OTOGL: variants seen among roughly 807,000 people sequenced by gnomAD.
OTOGL encodes otogelin-like protein.
Under a neutral mutation model 318.5 loss-of-function variants are expected in OTOGL, and 285 were observed. The ratio of observed to expected loss-of-function variants is 0.89; its 90% CI spans 0.81 to 0.99. OTOGL has a LOEUF of 0.99. OTOGL is among the 50% of genes least tolerant of loss of function. The probability of loss-of-function intolerance (pLI) is 0.00; values close to 1 mark genes in which losing one functional copy is unlikely to be tolerated. For synonymous variants in OTOGL, 987 were observed against 936.5 expected, an observed-to-expected ratio of 1.05 and a Z score of -0.99; for missense variants, 2,899 against 2,845.6, an observed-to-expected ratio of 1.02 and a Z score of -0.43.
intron 1 of OTOGL, among the ~76,000 whole-genome samples, chr12:80,110,888 A>G (rs183132920): frequency 7.9e-5 from 12 of 152,288 alleles, no homozygotes; most frequent in African/African-American, 2.6e-4. Flanking sequence ...AAGTGTTCCT[A>G]TTTCTCCACA....
intron 1 of OTOGL, among the ~76,000 whole-genome samples, chr12:80,103,736 C>A (rs1167552136): frequency 6.6e-6 from 1 of 152,126 alleles, no homozygotes; most frequent in Non-Finnish European, 1.5e-5. Context: ...ATAGTAATAG[C>A]TGAATAATAT....
Position 80,286,113 on chromosome 12 carries a change from G to T in OTOGL, c.2928+6947G>T, listed in dbSNP as rs145694345. Among the ~76,000 whole-genome samples the T allele has an allele frequency of 2.5e-3, 383 of 152,268 alleles. 4 individuals carry two copies. Among genetic ancestry groups the T allele is most frequent in the African/African-American group, 8.8e-3 (365 of 41,554 alleles). On this transcript the variant is annotated intron_variant, in intron 26 of 58. Coordinates refer to ENST00000547103, the MANE Select transcript of OTOGL (RefSeq NM_001378609.3). Reference sequence around the variant, plus strand: ...TTTAATTTTATTGAAGGCCTTTTCTGCATCTATTGAAATAATCATGTGGTT... The same window carrying T: ...TTTAATTTTATTGAAGGCCTTTTCTTCATCTATTGAAATAATCATGTGGTT...
chr12:80,154,462 A>C (rs1592501746), intron 1 of OTOGL, among the ~76,000 whole-genome samples: 1 of 146,830 alleles, frequency 6.8e-6, no homozygotes. Flanking sequence ...GCAGCTGCAC[A>C]ATCAATCAAA....
chr12:80,157,528 A>G (rs1873206998), intron 1 of OTOGL, among the ~76,000 whole-genome samples: 1 of 152,002 alleles, frequency 6.6e-6, no homozygotes, highest in South Asian at 2.1e-4. Context: ...GAGTTTTCCA[A>G]ATGTTTTCTT....
chr12:80,368,379 A>T, intron 55 of OTOGL, 70 bp downstream of exon 55: 1 of 990,658 alleles, frequency 1.0e-6, no homozygotes, highest in Non-Finnish European at 1.5e-6. Context: ...AAGTTTGGAA[A>T]ATGTCCCCCC....
intron 1 of OTOGL, among the ~76,000 whole-genome samples, chr12:80,173,971 AT>A (rs1874370104): frequency 6.6e-6 from 1 of 152,198 alleles, no homozygotes; most frequent in Non-Finnish European, 1.5e-5. Context: ...TAATTGTTCA[AT>A]TTAAGAAAAC....
At position 80,142,236 on chromosome 12, in the gene OTOGL, T is replaced by C. The variant is rs557663563; in HGVS notation, c.-20+42631T>C. ...AAAATATAAACAGGTAAAATTACTT[T>C]TAGTAATATATCATAGATTGACAGC... On this transcript the variant is annotated intron_variant, in intron 1 of 58. Transcript: ENST00000547103. Among the ~76,000 whole-genome samples, 2 of 152,142 alleles carry C rather than the reference T, an allele frequency of 1.3e-5. 1 individual carries two copies. Among genetic ancestry groups the C allele is most frequent in the East Asian group, 3.9e-4 (2 of 5,192 alleles).
At chr12:80,112,100 A>G (rs1286167292) in intron 1 of OTOGL, among the ~76,000 whole-genome samples, 2 of 152,168 alleles carry the variant, frequency 1.3e-5, no homozygotes, top group African/African-American at 2.4e-5. Flanking sequence ...TTGATTTTGT[A>G]TTCTGAGACT....
intron 52 of OTOGL, among the ~76,000 whole-genome samples, chr12:80,362,746 T>A (rs191189004): frequency 2.6e-5 from 4 of 151,732 alleles, no homozygotes; most frequent in Admixed American, 2.6e-4. Flanking sequence ...TGGAAGAATG[T>A]GATAGGTTAA....
chr12:80,294,921 C>G (rs944106381), intron 26 of OTOGL, among the ~76,000 whole-genome samples: 1 of 151,946 alleles, frequency 6.6e-6, no homozygotes, highest in African/African-American at 2.4e-5. Flanking sequence ...CACCCTGCCT[C>G]TACAAAAAAA....
At chr12:80,367,822 T>C (rs1592765865) in intron 54 of OTOGL, 83 bp downstream of exon 54, 9 of 899,864 alleles carry the variant, frequency 1.0e-5, no homozygotes, top group Non-Finnish European at 1.4e-5. Context: ...TGGTGAATAC[T>C]CCATTAGTTT....
intron 1 of OTOGL, among the ~76,000 whole-genome samples, chr12:80,176,907 G>A (rs767150171): frequency 6.6e-6 from 1 of 151,922 alleles, no homozygotes; most frequent in Non-Finnish European, 1.5e-5. Flanking sequence ...CCAACAATTC[G>A]TATGATTGGT....
intron 44 of OTOGL, among the ~76,000 whole-genome samples, chr12:80,348,751 C>T (rs1289135560): frequency 6.6e-6 from 1 of 152,156 alleles, no homozygotes; most frequent in African/African-American, 2.4e-5. Context: ...TTGCTAAGCT[C>T]CAACCATTGT....
At chr12:80,238,821 T>C in intron 9 of OTOGL, 30 bp from the exon 10 acceptor site, 9 of 1,471,098 alleles carry the variant, frequency 6.1e-6, no homozygotes, top group Non-Finnish European at 8.1e-6. Flanking sequence ...CCTATTTGTG[T>C]GTGTGTGTGT....
chr12:80,189,385 C>G, intron 1 of OTOGL: 1 of 963,776 alleles, frequency 1.0e-6, no homozygotes, highest in African/African-American at 1.8e-5. Context: ...CAAAGAGAAT[C>G]CAGTCTTTGA....
chr12:80,251,811 T>C lies in OTOGL; in HGVS notation c.1159+12T>C. 1 of 1,553,726 alleles carries C rather than the reference T, an allele frequency of 6.4e-7. No individual in the cohort carries two copies. The highest frequency in any genetic ancestry group is 8.7e-7 in the Non-Finnish European group (1 of 1,146,100). ...CTTTCCAGCATGCAGTATGTTTTTT[T>C]ATTTTCCAAGCCCTGTGTACTTTTG... On this transcript the variant is annotated intron_variant, in intron 12 of 58. Transcript: ENST00000547103.
At chr12:80,196,884 AG>A (rs1424363883) in intron 1 of OTOGL, among the ~76,000 whole-genome samples, 1 of 152,150 alleles carries the variant, frequency 6.6e-6, no homozygotes, top group Non-Finnish European at 1.5e-5. Context: ...TAAGGCCATG[AG>A]GGGAAGGGGG....
At chr12:80,318,042 T>C (rs1887084252) in intron 32 of OTOGL, among the ~76,000 whole-genome samples, 1 of 152,146 alleles carries the variant, frequency 6.6e-6, no homozygotes, top group East Asian at 1.9e-4. Flanking sequence ...CTCAGTCTTT[T>C]TGTTCTTCTC....
chr12:80,311,567 C>T (rs546075673), intron 30 of OTOGL, among the ~76,000 whole-genome samples: 21 of 133,564 alleles, frequency 1.6e-4, no homozygotes, highest in Non-Finnish European at 1.0e-4. Flanking sequence ...GGATTGTAGA[C>T]GGCAAATTTT....
Sources: gnomAD v4.1 joint callset for allele counts (sites outside exome capture counted in the v4.1 genomes callset) on GRCh38, gnomAD v4.1.1 for gene constraint, MANE v1.5 for transcripts, NCBI Gene and HGNC (gene_info 2026-07-23, HGNC 2026-07-21) for gene names.